Variants in SIL1 observed in about 807,000 individuals in gnomAD.
The protein encoded by SIL1 is nucleotide exchange factor SIL1.
SIL1 carries 40 observed loss-of-function variants against 49.1 expected under a neutral mutation model. That is an observed-to-expected ratio of 0.81 (90% CI 0.63 to 1.06). SIL1 has a LOEUF of 1.06. Ranked by LOEUF, SIL1 falls within the 50% of genes least tolerant of loss-of-function variation. The probability of loss-of-function intolerance (pLI) is 0.00; values close to 1 mark genes in which losing one functional copy is unlikely to be tolerated. For synonymous variants in SIL1, 253 were observed against 250.8 expected (o/e 1.01, Z -0.08); for missense variants, 500 against 572.6 (o/e 0.87, Z 1.29).
At chr5:138,960,773 T>C (rs1767004442) in intron 7 of SIL1, among the ~76,000 whole-genome samples, 1 of 152,234 alleles carries the variant, frequency 6.6e-6, no homozygotes, top group Middle Eastern at 3.2e-3. Context: ...ACGTCTTTAT[T>C]ATCATTTCTC....
At chr5:138,964,159 T>A (rs1767084735) in intron 7 of SIL1, among the ~76,000 whole-genome samples, 1 of 152,254 alleles carries the variant, frequency 6.6e-6, no homozygotes, top group Non-Finnish European at 1.5e-5. Context: ...GAATGATGGA[T>A]GGCTTTGTTT....
chr5:138,950,370 A>T (rs1274409772), intron 9 of SIL1, among the ~76,000 whole-genome samples: 2 of 152,232 alleles, frequency 1.3e-5, no homozygotes, highest in African/African-American at 4.8e-5. Context: ...AGAGTTGGGG[A>T]GAGACAGTGA....
At chr5:139,018,545 G>T (rs911464340) in intron 7 of SIL1, among the ~76,000 whole-genome samples, 1 of 148,634 alleles carries the variant, frequency 6.7e-6, no homozygotes, top group East Asian at 2.0e-4. Context: ...AGCCAAGATC[G>T]GGCCACTGTA....
chr5:139,001,932 C>T (rs1767992979), intron 7 of SIL1, among the ~76,000 whole-genome samples: 2 of 151,098 alleles, frequency 1.3e-5, no homozygotes, highest in African/African-American at 4.9e-5. Context: ...TACAATAGGC[C>T]AGGAGTGATG....
At chr5:139,136,057 G>T (rs1750969073) in intron 1 of SIL1, among the ~76,000 whole-genome samples, 1 of 151,946 alleles carries the variant, frequency 6.6e-6, no homozygotes, top group Non-Finnish European at 1.5e-5. Flanking sequence ...ACAGAGTGAG[G>T]CTCTGTCTCA....
intron 1 of SIL1, among the ~76,000 whole-genome samples, chr5:139,160,359 C>A (rs1363584445): frequency 6.6e-6 from 1 of 152,074 alleles, no homozygotes; most frequent in South Asian, 2.1e-4. Context: ...GAATGAGGAT[C>A]ATCATTTAGC....
intron 3 of SIL1, among the ~76,000 whole-genome samples, chr5:139,057,229 C>A (rs534588694): frequency 6.2e-4 from 93 of 149,622 alleles, no homozygotes; most frequent in Non-Finnish European, 1.1e-3. Context: ...CCTTTGTTCA[C>A]TTGTTTATCT....
intron 2 of SIL1, among the ~76,000 whole-genome samples, chr5:139,121,547 G>A (rs567875612): frequency 3.3e-5 from 5 of 152,170 alleles, no homozygotes; most frequent in East Asian, 3.9e-4. Context: ...TTTAAAACTC[G>A]CACATATTAT....
chr5:139,099,877 G>A (rs1050648724), intron 3 of SIL1, among the ~76,000 whole-genome samples: 1 of 152,002 alleles, frequency 6.6e-6, no homozygotes, highest in Non-Finnish European at 1.5e-5. Flanking sequence ...AGCACAACAC[G>A]GTGACTGTAG....
intron 3 of SIL1, among the ~76,000 whole-genome samples, chr5:139,091,592 A>T (rs1262054746): frequency 6.6e-6 from 1 of 152,232 alleles, no homozygotes; most frequent in African/African-American, 2.4e-5. Flanking sequence ...GCCCCTATAA[A>T]GGGGAATTTG....
intron 7 of SIL1, among the ~76,000 whole-genome samples, chr5:138,981,142 G>A (rs1014093088): frequency 6.6e-6 from 1 of 151,426 alleles, no homozygotes; most frequent in Non-Finnish European, 1.5e-5. Flanking sequence ...GAACCCAGGT[G>A]GCGGAGGTTG....
At chr5:139,041,179 G>A (rs1422992350) in intron 5 of SIL1, among the ~76,000 whole-genome samples, 1 of 152,186 alleles carries the variant, frequency 6.6e-6, no homozygotes, top group Non-Finnish European at 1.5e-5. Flanking sequence ...TACATCTGTG[G>A]TAGGACACAA....
intron 1 of SIL1, among the ~76,000 whole-genome samples, chr5:139,182,653 T>A (rs1363536229): frequency 6.6e-6 from 1 of 152,174 alleles, no homozygotes. Flanking sequence ...GATTACAATA[T>A]AGCCCTAGAA....
At chr5:138,953,192 C>A (rs931347687) in intron 7 of SIL1, 1 of 152,404 alleles carries the variant, frequency 6.6e-6, no homozygotes, top group Non-Finnish European at 1.5e-5. Context: ...AGCACCTGTT[C>A]CTCCTAACTC....
intron 1 of SIL1, among the ~76,000 whole-genome samples, chr5:139,151,862 T>A (rs934309879): frequency 1.3e-5 from 2 of 152,246 alleles, no homozygotes; most frequent in Non-Finnish European, 2.9e-5. Flanking sequence ...ATATTTAACA[T>A]GTAACTTAGA....
At chr5:138,955,673 G>A (rs1322132981) in intron 7 of SIL1, among the ~76,000 whole-genome samples, 1 of 152,204 alleles carries the variant, frequency 6.6e-6, no homozygotes, top group Non-Finnish European at 1.5e-5. Context: ...TGGGCTCAGG[G>A]CTGGCTACAT....
chr5:138,951,266 C>T lies in SIL1; in HGVS notation c.934G>A (p.Gly312Arg), dbSNP rs761944688. Residue 312 changes from glycine to arginine, a missense_variant, in exon 9 of 10, where the codon GGG (glycine) becomes AGG (arginine). Physicochemically the swap from Gly to Arg is moderately radical, Grantham distance 125. Coordinates refer to ENST00000394817, the MANE Select transcript of SIL1 (RefSeq NM_022464.5). ...ACCAGGGTCCTCAGGACCTGCAGCC[C>T]CCCGAGCTTCAGGAACTGCCGCTGG... ...YAQRQFLKLG[G>R]LQVLRTLVQE... 1.3e-5 allele frequency: 20 copies of T among 1,585,072 alleles called. No homozygotes were observed. Among genetic ancestry groups the T allele is most frequent in the South Asian group, 2.3e-5 (2 of 87,080 alleles).
At chr5:139,171,292 G>A (rs1458040055) in intron 1 of SIL1, among the ~76,000 whole-genome samples, 5 of 152,158 alleles carry the variant, frequency 3.3e-5, no homozygotes, top group African/African-American at 1.2e-4. Flanking sequence ...TGAGAAATCG[G>A]ATGGTTGCCG....
At chr5:139,106,282 C>G (rs1395086959) in intron 3 of SIL1, among the ~76,000 whole-genome samples, 6 of 152,250 alleles carry the variant, frequency 3.9e-5, no homozygotes, top group Non-Finnish European at 7.3e-5. Context: ...AGCCACTTCT[C>G]CTTCCCACTG....
Sources: allele counts gnomAD v4.1 joint callset (sites outside exome capture counted in the v4.1 genomes callset), GRCh38; gene constraint gnomAD v4.1.1; transcripts MANE v1.5; gene names NCBI Gene and HGNC (gene_info 2026-07-23, HGNC 2026-07-21).